The following WBP2NL variants were observed in gnomAD, a reference collection of about 807,000 sequenced individuals.
WBP2NL encodes the protein WBP2 N-terminal like.
Under a neutral mutation model 23.3 loss-of-function variants are expected in WBP2NL, and 27 were observed. That is an observed-to-expected ratio of 1.16 (90% CI 0.85 to 1.60). The LOEUF is 1.60. Among genes scored for constraint, WBP2NL ranks in the 40% most tolerant of loss-of-function variants. The pLI, the probability that WBP2NL is intolerant of heterozygous loss-of-function variation, is 0.00. For missense variants in WBP2NL, 370 were observed against 389.5 expected, an observed-to-expected ratio of 0.95 and a Z score of 0.42; for synonymous variants, 151 against 145.9, an observed-to-expected ratio of 1.03 and a Z score of -0.25.
At chr22:42,002,764 C>G (rs1921828838) in intron 1 of WBP2NL, 1 of 152,098 alleles carries the variant, frequency 6.6e-6, no homozygotes, top group Non-Finnish European at 1.5e-5. Context: ...CCAGCTGTCC[C>G]TCTAGAAAGA....
chr22:42,016,600 TA>T (rs1404441309), intron 1 of WBP2NL, among the ~76,000 whole-genome samples: 1 of 152,218 alleles, frequency 6.6e-6, no homozygotes, highest in African/African-American at 2.4e-5. Flanking sequence ...AGCTTTTGAT[TA>T]GATTCTAGAG....
chr22:42,018,390 A>AAAGAAGGGAAGGG (rs1370146240), intron 1 of WBP2NL, among the ~76,000 whole-genome samples: 2 of 150,332 alleles, frequency 1.3e-5, no homozygotes, highest in Non-Finnish European at 3.0e-5. Flanking sequence ...AAATGGAAGG[A>AAAGAAGGGAAGGG]AAGAAGGGAA....
intron 8 of WBP2NL, among the ~76,000 whole-genome samples, chr22:42,041,481 T>TAAAAAA (rs35848343): frequency 6.2e-5 from 7 of 112,814 alleles, no homozygotes; most frequent in African/African-American, 2.2e-4. Context: ...GTTCTGTCTT[T>TAAAAAA]AAAAAAAAAA....
intron 1 of WBP2NL, among the ~76,000 whole-genome samples, chr22:42,012,188 AT>A (rs918035060): frequency 2.7e-5 from 4 of 150,576 alleles, no homozygotes; most frequent in African/African-American, 9.8e-5. Context: ...TTTTTTTCTT[AT>A]TTTTTTCTAT....
chr22:42,019,239 C>A, intron 1 of WBP2NL, 72 bp from the exon 2 acceptor site: 1 of 1,405,454 alleles, frequency 7.1e-7, no homozygotes, highest in Non-Finnish European at 9.8e-7. Context: ...AAAAAAATTG[C>A]GTTAAGAACT....
At chr22:42,012,496 A>G (rs988285781) in intron 1 of WBP2NL, among the ~76,000 whole-genome samples, 1 of 152,120 alleles carries the variant, frequency 6.6e-6, no homozygotes, top group Non-Finnish European at 1.5e-5. Context: ...TAATTTCCAC[A>G]TATTTGTGGC....
At chr22:42,022,747 T>C (rs968894806) in intron 5 of WBP2NL, among the ~76,000 whole-genome samples, 1 of 152,210 alleles carries the variant, frequency 6.6e-6, no homozygotes, top group African/African-American at 2.4e-5. Context: ...CTGGGTCCTT[T>C]AACAGTTTGT....
Position 42,028,192 on chromosome 22 carries a change from A to C in WBP2NL, c.*1011A>C. On this transcript the variant is annotated 3_prime_UTR_variant, in exon 6 of 6. Transcript: ENST00000328823. ...GAATAGGCTATGGTATGCCCATACT[A>C]CGTATGCAGAAATTTCTAAGACTTG... is the stretch of plus-strand genomic sequence containing the variant. 1 of 397,746 alleles carries C rather than the reference A, an allele frequency of 2.5e-6. No individual in the cohort carries two copies. Among genetic ancestry groups the C allele is most frequent in the Middle Eastern group, 6.3e-4 (1 of 1,582 alleles). The allele number at this position is 397,746 out of a possible 1,614,324, so 24.6% of individuals were successfully genotyped here. A position where few individuals can be genotyped will look rare whatever the true frequency, so the allele number is the denominator to read the frequency against.
At chr22:42,037,992 A>T (rs909463434) in intron 8 of WBP2NL, among the ~76,000 whole-genome samples, 1 of 152,100 alleles carries the variant, frequency 6.6e-6, no homozygotes, top group African/African-American at 2.4e-5. Flanking sequence ...TGCCCTGGCT[A>T]TGACTTCCAG....
chr22:42,049,181 G>A (rs973338868), intron 8 of WBP2NL, among the ~76,000 whole-genome samples: 6 of 152,166 alleles, frequency 3.9e-5, no homozygotes, highest in African/African-American at 1.4e-4. Context: ...TGGAACAGAA[G>A]AGTCCAGAAT....
chr22:42,031,512 A>C (rs1212577521), downstream of WBP2NL: 21 of 152,130 alleles, frequency 1.4e-4, no homozygotes, highest in Non-Finnish European at 4.4e-5. Flanking sequence ...TAGAAATATA[A>C]AGGGATAGAA....
chr22:42,052,237 TC>T (rs1156822799), intron 8 of WBP2NL, among the ~76,000 whole-genome samples: 1 of 152,172 alleles, frequency 6.6e-6, no homozygotes, highest in African/African-American at 2.4e-5. Flanking sequence ...AGGAATACTT[TC>T]TGAGAACTTC....
At chr22:42,020,998 C>A (rs748170751) in intron 4 of WBP2NL, among the ~76,000 whole-genome samples, 9 of 138,108 alleles carry the variant, frequency 6.5e-5, no homozygotes, top group Admixed American at 5.4e-4. Flanking sequence ...TGGCTCACTG[C>A]AACCTCCACC....
intron 8 of WBP2NL, among the ~76,000 whole-genome samples, chr22:42,055,842 C>A (rs1158639108): frequency 2.0e-5 from 3 of 151,640 alleles, no homozygotes; most frequent in African/African-American, 7.3e-5. Context: ...TTAACATAGA[C>A]CCTCCCCCCA....
chr22:42,047,521 C>T (rs1409732524), intron 8 of WBP2NL, among the ~76,000 whole-genome samples: 7 of 150,318 alleles, frequency 4.7e-5, no homozygotes, highest in African/African-American at 1.2e-4. Context: ...ACCTGGGCGG[C>T]GGAGGTTGCA....
At chr22:42,007,618 C>G (rs1426588188) in intron 1 of WBP2NL, among the ~76,000 whole-genome samples, 1 of 152,140 alleles carries the variant, frequency 6.6e-6, no homozygotes, top group East Asian at 1.9e-4. Flanking sequence ...ATGAATTTGA[C>G]TACTTCAGAT....
chr22:42,018,583 T>C (rs1468052325), intron 1 of WBP2NL, among the ~76,000 whole-genome samples: 2 of 152,078 alleles, frequency 1.3e-5, no homozygotes, highest in African/African-American at 4.8e-5. Context: ...GTTTTCCAGG[T>C]TAACAGTAAG....
intron 1 of WBP2NL, among the ~76,000 whole-genome samples, chr22:42,012,608 C>G (rs1922923388): frequency 6.6e-6 from 1 of 152,016 alleles, no homozygotes; most frequent in Non-Finnish European, 1.5e-5. Flanking sequence ...TAGTAAAGAG[C>G]TTTCATTTTT....
chr22:42,047,534 G>T (rs1925640834), intron 8 of WBP2NL, among the ~76,000 whole-genome samples: 5 of 150,822 alleles, frequency 3.3e-5, no homozygotes, highest in African/African-American at 7.3e-5. Flanking sequence ...AGGTTGCAGT[G>T]AGCTGAGATC....
Sources: gnomAD v4.1 joint callset for allele counts (sites outside exome capture counted in the v4.1 genomes callset) on GRCh38, gnomAD v4.1.1 for gene constraint, MANE v1.5 for transcripts, NCBI Gene and HGNC (gene_info 2026-07-23, HGNC 2026-07-21) for gene names.